DPH6: variants seen among roughly 807,000 people sequenced by gnomAD.
DPH6 encodes diphthamine biosynthesis 6, also known as diphthine--ammonia ligase.
In DPH6, 33 loss-of-function variants were observed where a neutral mutation model predicts 38.2. The ratio of observed to expected loss-of-function variants is 0.86; its 90% confidence interval spans 0.65 to 1.15. DPH6 has a LOEUF of 1.15. Ranked by LOEUF, DPH6 falls within the 50% of genes most tolerant of loss-of-function variation. DPH6 has a pLI of 0.00. For missense variants in DPH6, 325 were observed against 320.0 expected, an observed-to-expected ratio of 1.02 and a Z score of -0.12; for synonymous variants, 108 against 103.0, an observed-to-expected ratio of 1.05 and a Z score of -0.30.
intron 6 of DPH6, among the ~76,000 whole-genome samples, chr15:35,384,133 G>A (rs1418524764): frequency 2.0e-5 from 3 of 152,134 alleles, no homozygotes; most frequent in Non-Finnish European, 4.4e-5. Context: ...CTCTGGCTTC[G>A]ACTCAAAATT....
intron 3 of DPH6, among the ~76,000 whole-genome samples, chr15:35,275,705 C>T (rs1271935315): frequency 1.4e-5 from 2 of 143,838 alleles, no homozygotes; most frequent in African/African-American, 2.6e-5. Context: ...GTATCTCAGA[C>T]CTTAAAGTAA....
intron 3 of DPH6, among the ~76,000 whole-genome samples, chr15:35,486,596 T>A (rs547753497): frequency 2.0e-5 from 3 of 151,612 alleles, no homozygotes; most frequent in Admixed American, 2.0e-4. Flanking sequence ...TCCAATTACC[T>A]CCCACCAAGT....
chr15:35,374,497 T>C (rs1595508503), intron 7 of DPH6, among the ~76,000 whole-genome samples: 1 of 152,056 alleles, frequency 6.6e-6, no homozygotes, highest in Non-Finnish European at 1.5e-5. Context: ...TCGGTGGCAA[T>C]AGAAGAAATC....
At chr15:35,386,585 C>T (rs1401349488) in intron 6 of DPH6, among the ~76,000 whole-genome samples, 3 of 152,224 alleles carry the variant, frequency 2.0e-5, no homozygotes, top group Non-Finnish European at 4.4e-5. Context: ...TTGCATTTCT[C>T]TGATGGCCAG....
intron 3 of DPH6, chr15:35,520,230 C>CAAAAAAAAAAAAA (rs879230191): frequency 8.4e-6 from 3 of 356,824 alleles, no homozygotes; most frequent in East Asian, 4.0e-4. Context: ...CAAAAAAAAA[C>CAAAAAAAAAAAAA]AAAAAAAAAA....
chr15:35,460,920 AAG>A (rs2054058739), intron 3 of DPH6, among the ~76,000 whole-genome samples: 1 of 151,764 alleles, frequency 6.6e-6, no homozygotes, highest in African/African-American at 2.4e-5. Context: ...AAAAAAAAAA[AAG>A]GTTCATTACT....
At chr15:35,441,676 G>A (rs1264525645) in intron 5 of DPH6, among the ~76,000 whole-genome samples, 1 of 152,160 alleles carries the variant, frequency 6.6e-6, no homozygotes, top group Non-Finnish European at 1.5e-5. Flanking sequence ...GGGGGGTTAG[G>A]GGAGGGATAG....
chr15:35,291,708 C>T (rs1341256223), intron 3 of DPH6, among the ~76,000 whole-genome samples: 1 of 152,132 alleles, frequency 6.6e-6, no homozygotes, highest in East Asian at 1.9e-4. Context: ...GATGTGATAT[C>T]TTAGGCTTAA....
intron 3 of DPH6, among the ~76,000 whole-genome samples, chr15:35,342,953 C>T (rs1213890438): frequency 6.6e-6 from 1 of 152,164 alleles, no homozygotes; most frequent in Admixed American, 6.6e-5. Flanking sequence ...CTCATCTATA[C>T]TTTCACCCAC....
intron 3 of DPH6, among the ~76,000 whole-genome samples, chr15:35,287,805 T>G (rs191984066): frequency 6.6e-6 from 1 of 152,208 alleles, no homozygotes; most frequent in African/African-American, 2.4e-5. Context: ...CATTAATCTT[T>G]TGTTTGAAAT....
At position 35,297,499 on chromosome 15, in the gene DPH6, T is replaced by A. The variant is rs977213435; in HGVS notation, n.200+76022A>T. ...TTGTCCCTTGACCTAATTCTTTATT[T>A]TTTTCCCCCAGTCTCTCATTTCTTC... On this transcript the variant is annotated intron_variant and non_coding_transcript_variant, in intron 3 of 3. Transcript: ENST00000560386. 2.6e-5 allele frequency among the ~76,000 whole-genome samples: 4 copies of A among 152,234 alleles called. No individual in the cohort carries two copies. The South Asian group carries it at 6.2e-4, about 24-fold the overall frequency.
intron 3 of DPH6, among the ~76,000 whole-genome samples, chr15:35,471,948 T>TAAA (rs1233983951): frequency 7.0e-6 from 1 of 142,642 alleles, no homozygotes; most frequent in African/African-American, 3.0e-5. Flanking sequence ...GTGTGGGCCC[T>TAAA]ACAATAAATG....
chr15:35,262,163 C>G lies in DPH6; in HGVS notation n.201-41581G>C, dbSNP rs147551323. 6.4e-3 allele frequency among the ~76,000 whole-genome samples: 979 copies of G among 152,190 alleles called. 6 individuals carry two copies. The highest frequency in any genetic ancestry group is 0.027 in the Middle Eastern group (8 of 294). On this transcript the variant is annotated intron_variant and non_coding_transcript_variant, in intron 3 of 3. Transcript: ENST00000560386. ...GTCTATTACTTTATATATAGTTATA[C>G]TTTTTTTCCTATTTCATTAAGGATT...
chr15:35,534,062 G>GA (rs916114982), intron 3 of DPH6, among the ~76,000 whole-genome samples: 32 of 150,462 alleles, frequency 2.1e-4, no homozygotes, highest in African/African-American at 5.4e-4. Context: ...AGAAAACTAA[G>GA]AAAAAAAAAC....
intron 3 of DPH6, among the ~76,000 whole-genome samples, chr15:35,518,674 T>A (rs1323158009): frequency 1.3e-5 from 2 of 151,964 alleles, no homozygotes; most frequent in African/African-American, 4.8e-5. Context: ...AGAAATGCTA[T>A]CCCAACTTTC....
chr15:35,450,928 A>G, intron 4 of DPH6, 125 bp from the exon 5 acceptor site: 2 of 719,982 alleles, frequency 2.8e-6, no homozygotes, highest in Non-Finnish European at 4.4e-6. Flanking sequence ...AAATGCTTTT[A>G]AAAACATATT....
At chr15:35,436,479 A>C (rs1017867342) in intron 5 of DPH6, among the ~76,000 whole-genome samples, 21 of 81,842 alleles carry the variant, frequency 2.6e-4, no homozygotes, top group Non-Finnish European at 3.2e-4. Flanking sequence ...CAAAACAAAC[A>C]AAAACAAAAC....
chr15:35,508,622 C>A (rs2054727659), intron 3 of DPH6, among the ~76,000 whole-genome samples: 1 of 152,112 alleles, frequency 6.6e-6, no homozygotes, highest in East Asian at 1.9e-4. Context: ...AATACCTAAT[C>A]TTGAGCAAGG....
intron 3 of DPH6, among the ~76,000 whole-genome samples, chr15:35,250,612 G>A (rs72707098): frequency 4.0e-5 from 6 of 151,802 alleles, no homozygotes; most frequent in Non-Finnish European, 7.4e-5. Flanking sequence ...TCAGAGAAAT[G>A]TTTTTTTCAA....
Sources: gnomAD v4.1 joint callset for allele counts (sites outside exome capture counted in the v4.1 genomes callset) on GRCh38, gnomAD v4.1.1 for gene constraint, MANE v1.5 for transcripts, NCBI Gene and HGNC (gene_info 2026-07-23, HGNC 2026-07-21) for gene names.